The following NCALD variants were observed in gnomAD, a reference collection of about 807,000 sequenced individuals.
NCALD encodes the protein neurocalcin delta.
A neutral mutation model predicts 18.6 loss-of-function variants in NCALD; 10 were observed. That is an observed-to-expected ratio of 0.54 (90% confidence interval 0.33 to 0.91). The LOEUF is 0.91. Among genes scored for constraint, NCALD ranks in the 40% least tolerant of loss-of-function variants. NCALD has a pLI of 0.03. For synonymous variants in NCALD, 88 were observed against 87.4 expected, an observed-to-expected ratio of 1.01 and a Z score of -0.04; for missense variants, 184 against 247.6, an observed-to-expected ratio of 0.74 and a Z score of 1.72.
chr8:102,116,632 G>A (rs528547711), intron 1 of NCALD, among the ~76,000 whole-genome samples: 37 of 152,236 alleles, frequency 2.4e-4, no homozygotes, highest in African/African-American at 7.9e-4. Context: ...ACGGGTGCAT[G>A]CCAAGAGGCC....
chr8:102,011,786 T>C (rs1218300378), intron 2 of NCALD, among the ~76,000 whole-genome samples: 1 of 152,224 alleles, frequency 6.6e-6, no homozygotes, highest in Admixed American at 6.5e-5. Flanking sequence ...AAATTTATCT[T>C]ATAACTCAAA....
In NCALD at chr8:101,689,394, AG is replaced by A; in HGVS notation, c.496del (p.Leu166TrpfsTer45). 6.2e-7 allele frequency: 1 copy of A among 1,607,320 alleles called. No individual in the cohort carries two copies. The highest frequency in any genetic ancestry group is 8.5e-7 in the Non-Finnish European group (1 of 1,176,946). ...MDTNRDGKLS[L>X]EEFIRGAKSD... is the part of the protein sequence containing the mutation. ...TTTGGCTCCTCGGATGAACTCTTCC[AG>A]GGAGAGTTTTCCTAGGAAGCAAGAG... is the stretch of plus-strand genomic sequence containing the variant. On this transcript the variant is annotated frameshift_variant, in exon 4 of 4. Coordinates refer to ENST00000220931, the MANE Select transcript of NCALD (RefSeq NM_032041.3). LOFTEE classifies it high-confidence loss of function. The surrounding 1 kb of genome is among the most constrained non-coding windows in gnomAD (Gnocchi z 4.4).
intron 2 of NCALD, among the ~76,000 whole-genome samples, chr8:101,957,289 G>GTTTTTTTTTTTTTTTTTTTTTTTT (rs11305701): frequency 1.0e-5 from 1 of 99,496 alleles, no homozygotes; most frequent in African/African-American, 4.0e-5. Flanking sequence ...AAAAGTTGGG[G>GTTTTTTTTTTTTTTTTTTTTTTTT]TTTTTTTTTT....
At chr8:101,834,265 G>A (rs770386461) in intron 4 of NCALD, among the ~76,000 whole-genome samples, 12 of 152,228 alleles carry the variant, frequency 7.9e-5, no homozygotes, top group East Asian at 1.9e-4. Context: ...CCACCATAAC[G>A]TGTGAAGAGG....
At chr8:101,958,742 T>C (rs1023890102) in intron 2 of NCALD, among the ~76,000 whole-genome samples, 5 of 152,182 alleles carry the variant, frequency 3.3e-5, no homozygotes, top group Non-Finnish European at 7.4e-5. Flanking sequence ...TGAACCTGGA[T>C]ACCTGGTTTC....
intron 1 of NCALD, among the ~76,000 whole-genome samples, chr8:102,033,865 A>C (rs964653123): frequency 6.6e-6 from 1 of 152,188 alleles, no homozygotes. Context: ...TCAGCCCTTC[A>C]GAAAAAGAAT....
At chr8:102,000,267 G>A (rs896457506) in intron 2 of NCALD, among the ~76,000 whole-genome samples, 6 of 152,250 alleles carry the variant, frequency 3.9e-5, no homozygotes, top group South Asian at 2.1e-4. Context: ...CCACGGAGCC[G>A]TGCTCATTGC....
At chr8:102,075,924 C>T (rs1355495870) in intron 1 of NCALD, among the ~76,000 whole-genome samples, 1 of 151,402 alleles carries the variant, frequency 6.6e-6, no homozygotes, top group Non-Finnish European at 1.5e-5. Context: ...GGCACTCCAG[C>T]CTGGGTGACA....
intron 2 of NCALD, among the ~76,000 whole-genome samples, chr8:101,708,158 A>C (rs1184451916): frequency 6.6e-6 from 1 of 152,154 alleles, no homozygotes; most frequent in Non-Finnish European, 1.5e-5. Context: ...GGCTCAGATC[A>C]ATAAGGTTTG....
At chr8:101,752,922 C>T (rs1389821626) in intron 1 of NCALD, among the ~76,000 whole-genome samples, 1 of 148,504 alleles carries the variant, frequency 6.7e-6, no homozygotes, top group Non-Finnish European at 1.5e-5. Context: ...ATTTTACGAT[C>T]CTCTTTTTTT....
At chr8:102,052,512 G>A (rs551414935) in intron 1 of NCALD, among the ~76,000 whole-genome samples, 214 of 152,326 alleles carry the variant, frequency 1.4e-3, no homozygotes, top group Middle Eastern at 3.4e-3. Flanking sequence ...TTTCACTTAT[G>A]TTATCTTAGA....
At chr8:101,931,792 A>G (rs1818584319) in intron 2 of NCALD, among the ~76,000 whole-genome samples, 1 of 152,034 alleles carries the variant, frequency 6.6e-6, no homozygotes, top group South Asian at 2.1e-4. Context: ...TATCTCTTTT[A>G]TTTCACAAAG....
chr8:102,013,637 A>T (rs1036839442), intron 2 of NCALD, among the ~76,000 whole-genome samples: 2 of 151,956 alleles, frequency 1.3e-5, no homozygotes, highest in Non-Finnish European at 2.9e-5. Flanking sequence ...CACATATGTA[A>T]TGGTCCCAAA....
chr8:101,896,010 A>C (rs971109786), intron 3 of NCALD, among the ~76,000 whole-genome samples: 2 of 151,164 alleles, frequency 1.3e-5, no homozygotes, highest in African/African-American at 4.9e-5. Flanking sequence ...ATTGGAAAAA[A>C]CTACTTTAAA....
In NCALD at chr8:101,819,288, T is replaced by C. The variant is rs183506991; in HGVS notation, c.-20+67853A>G. 5.7e-3 allele frequency among the ~76,000 whole-genome samples: 865 copies of C among 151,148 alleles called. 12 individuals are homozygous for C. Among genetic ancestry groups the C allele is most frequent in the African/African-American group, 0.018 (762 of 41,414 alleles). ...CTTTATTTATTTATTTATTTATTTATTTATTTATTTATTTATTGTTCTTAG... is the reference window on the plus strand; with the variant it reads ...CTTTATTTATTTATTTATTTATTTACTTATTTATTTATTTATTGTTCTTAG... On this transcript the variant is annotated intron_variant, in intron 4 of 6. Coordinates refer to the NCALD transcript ENST00000311028.
At chr8:101,897,237 A>T (rs991424391) in intron 3 of NCALD, among the ~76,000 whole-genome samples, 1 of 147,910 alleles carries the variant, frequency 6.8e-6, no homozygotes, top group African/African-American at 2.5e-5. Flanking sequence ...GAAATTGGAA[A>T]TCATCATTCT....
chr8:101,891,536 C>T (rs113873743), intron 3 of NCALD, among the ~76,000 whole-genome samples: 85 of 152,320 alleles, frequency 5.6e-4, no homozygotes, highest in African/African-American at 1.2e-3. Flanking sequence ...GGAACAGCTC[C>T]GGTCTACAGC....
chr8:101,857,456 G>A (rs934978966), intron 4 of NCALD, among the ~76,000 whole-genome samples: 1 of 152,184 alleles, frequency 6.6e-6, no homozygotes, highest in African/African-American at 2.4e-5. Context: ...TTTTCACTGA[G>A]TTTAGTCTTC....
intron 1 of NCALD, among the ~76,000 whole-genome samples, chr8:101,766,633 C>T (rs1176923646): frequency 6.6e-6 from 1 of 152,122 alleles, no homozygotes; most frequent in African/African-American, 2.4e-5. Context: ...GTCACCCAGG[C>T]TGGAGTGATC....
Sources: gnomAD v4.1 joint callset for allele counts (sites outside exome capture counted in the v4.1 genomes callset) on GRCh38, gnomAD v4.1.1 for gene constraint, Gnocchi (gnomAD v3.1) non-coding constraint, MANE v1.5 for transcripts, NCBI Gene and HGNC (gene_info 2026-07-23, HGNC 2026-07-21) for gene names.